PIBF1: variants seen among roughly 807,000 people sequenced by gnomAD.
The protein encoded by PIBF1 is progesterone-induced-blocking factor 1.
In PIBF1, 90 loss-of-function variants were observed where a neutral mutation model predicts 112.5. The ratio of observed to expected loss-of-function variants is 0.80; its 90% CI spans 0.67 to 0.95. The LOEUF is 0.95. Ranked by LOEUF, PIBF1 falls within the 40% of genes least tolerant of loss-of-function variation. The probability of loss-of-function intolerance (pLI) is 0.00; values close to 1 mark genes in which losing one functional copy is unlikely to be tolerated. For synonymous variants in PIBF1, 301 were observed against 288.6 expected (o/e 1.04, Z -0.44); for missense variants, 915 against 852.3 (o/e 1.07, Z -0.92).
At chr13:72,827,978 C>G in intron 8 of PIBF1, 64 bp downstream of exon 8, 2 of 1,211,672 alleles carry the variant, frequency 1.7e-6, no homozygotes, top group Non-Finnish European at 2.2e-6. Flanking sequence ...TGAGGGAACT[C>G]TTGGCTTTGG....
intron 16 of PIBF1, among the ~76,000 whole-genome samples, chr13:72,982,830 T>C (rs2043186712): frequency 6.6e-6 from 1 of 152,186 alleles, no homozygotes; most frequent in Non-Finnish European, 1.5e-5. Flanking sequence ...CAATTTTAGA[T>C]ACTACTACTG....
intron 16 of PIBF1, among the ~76,000 whole-genome samples, chr13:72,980,230 A>G (rs2043122974): frequency 6.6e-6 from 1 of 152,216 alleles, no homozygotes. Flanking sequence ...AAATAGAGTA[A>G]ATGAACTAGT....
At chr13:72,811,453 G>A (rs1053106544) in intron 5 of PIBF1, among the ~76,000 whole-genome samples, 3 of 151,934 alleles carry the variant, frequency 2.0e-5, no homozygotes, top group Non-Finnish European at 4.4e-5. Context: ...AAAATCAGCT[G>A]GGTGTGGTGG....
At chr13:72,882,137 A>G (rs2039666056) in intron 10 of PIBF1, among the ~76,000 whole-genome samples, 1 of 152,112 alleles carries the variant, frequency 6.6e-6, no homozygotes. Context: ...AAACAAATCC[A>G]TACATCTCCA....
At chr13:72,810,279 A>T (rs2035946013) in intron 5 of PIBF1, among the ~76,000 whole-genome samples, 1 of 152,208 alleles carries the variant, frequency 6.6e-6, no homozygotes, top group South Asian at 2.1e-4. Flanking sequence ...TTAGTTCAGC[A>T]TGCTTTTTCA....
At chr13:72,918,223 C>T (rs2041167291) in intron 13 of PIBF1, among the ~76,000 whole-genome samples, 1 of 152,098 alleles carries the variant, frequency 6.6e-6, no homozygotes, top group African/African-American at 2.4e-5. Context: ...CCTTATTTGC[C>T]TCTCTACCCA....
chr13:72,945,317 A>G (rs1289010683), intron 14 of PIBF1, among the ~76,000 whole-genome samples: 2 of 152,062 alleles, frequency 1.3e-5, no homozygotes, highest in Non-Finnish European at 2.9e-5. Flanking sequence ...GGTTGATTCC[A>G]TGTCTTCATT....
chr13:72,910,210 A>G (rs1192474206), intron 12 of PIBF1, among the ~76,000 whole-genome samples: 1 of 152,180 alleles, frequency 6.6e-6, no homozygotes, highest in Non-Finnish European at 1.5e-5. Context: ...TTTTAAATTT[A>G]TCTTCAATTT....
chr13:72,874,225 A>G (rs866757957), intron 10 of PIBF1, among the ~76,000 whole-genome samples: 2 of 152,342 alleles, frequency 1.3e-5, no homozygotes, highest in Middle Eastern at 3.4e-3. Context: ...AACTTAGTAT[A>G]AGACCCAGCA....
chr13:72,965,619 A>G (rs1384873152), intron 15 of PIBF1, among the ~76,000 whole-genome samples: 32 of 152,208 alleles, frequency 2.1e-4, no homozygotes, highest in Non-Finnish European at 4.4e-5. Context: ...CATGGAAATA[A>G]CAATGTTACA....
chr13:72,811,150 G>C (rs140904126), intron 5 of PIBF1, among the ~76,000 whole-genome samples: 4 of 152,220 alleles, frequency 2.6e-5, no homozygotes, highest in African/African-American at 9.6e-5. Flanking sequence ...GTGAGCCACC[G>C]CACCCAGCCA....
chr13:72,843,871 C>G (rs1312673758), intron 9 of PIBF1, among the ~76,000 whole-genome samples: 1 of 152,112 alleles, frequency 6.6e-6, no homozygotes, highest in Non-Finnish European at 1.5e-5. Flanking sequence ...TGCTAAAGCC[C>G]CTCCAACAGT....
intron 17 of PIBF1, among the ~76,000 whole-genome samples, chr13:73,015,211 C>G (rs1169326368): frequency 6.6e-6 from 1 of 152,144 alleles, no homozygotes; most frequent in African/African-American, 2.4e-5. Flanking sequence ...AGGCTAGTCT[C>G]GAACTCCTGG....
intron 9 of PIBF1, among the ~76,000 whole-genome samples, chr13:72,840,295 G>A (rs1375760271): frequency 1.3e-5 from 2 of 152,096 alleles, no homozygotes; most frequent in Non-Finnish European, 2.9e-5. Flanking sequence ...AATGGCTAAA[G>A]AAAGAATTTT....
chr13:72,904,065 C>G (rs767740557), intron 11 of PIBF1, among the ~76,000 whole-genome samples: 1 of 151,118 alleles, frequency 6.6e-6, no homozygotes, highest in Admixed American at 6.6e-5. Context: ...TATCCTTTCC[C>G]AAAAGATAAT....
chr13:72,868,807 G>A (rs570658315), intron 10 of PIBF1, among the ~76,000 whole-genome samples: 2 of 135,290 alleles, frequency 1.5e-5, no homozygotes, highest in Admixed American at 7.9e-5. Context: ...AACATAGTGA[G>A]ACCCCAGCTC....
intron 14 of PIBF1, among the ~76,000 whole-genome samples, chr13:72,956,972 TCA>T (rs1490229834): frequency 2.0e-5 from 3 of 152,164 alleles, no homozygotes; most frequent in African/African-American, 7.2e-5. Context: ...TGATACCACC[TCA>T]CTCCTGCAAG....
chr13:72,931,119 C>T, intron 13 of PIBF1, 46 bp from the exon 14 acceptor site: 1 of 1,089,198 alleles, frequency 9.2e-7, no homozygotes, highest in Non-Finnish European at 1.4e-6. Context: ...ATATTTTGGG[C>T]AGTATTTCAC....
intron 16 of PIBF1, 150 bp from the exon 17 acceptor site, chr13:72,998,671 AT>A (rs764672839): frequency 2.8e-4 from 158 of 572,722 alleles, no homozygotes; most frequent in Non-Finnish European, 4.4e-4. Context: ...CAAAAGATTC[AT>A]GTGCATGATT....
Sources: gnomAD v4.1 joint callset for allele counts (sites outside exome capture counted in the v4.1 genomes callset) on GRCh38, gnomAD v4.1.1 for gene constraint, MANE v1.5 for transcripts, NCBI Gene and HGNC (gene_info 2026-07-23, HGNC 2026-07-21) for gene names.